ERCC6L: variants seen among roughly 807,000 people sequenced by gnomAD.
ERCC6L encodes DNA excision repair protein ERCC-6-like.
A neutral mutation model predicts 20.1 loss-of-function variants in ERCC6L; 7 were observed. The observed-to-expected ratio is 0.35, with a 90% CI of 0.20 to 0.65. The LOEUF is 0.65. ERCC6L is among the 30% of genes least tolerant of loss of function. The probability of loss-of-function intolerance (pLI) is 0.69; values close to 1 mark genes in which losing one functional copy is unlikely to be tolerated. For missense variants in ERCC6L, 592 were observed against 892.4 expected (o/e 0.66, Z 4.29); for synonymous variants, 278 against 331.3 (o/e 0.84, Z 1.75).
chrX:72,207,049 A>G lies in ERCC6L; in HGVS notation c.1718T>C (p.Ile573Thr). 1 of 1,211,574 alleles carries G rather than the reference A, an allele frequency of 8.3e-7. No individual in the cohort carries two copies. The highest frequency in any genetic ancestry group is 1.7e-5 in the African/African-American group (1 of 57,701). The change falls in exon 2 of 2, where the codon ATT becomes ACT. Residue 573 changes from isoleucine to threonine, a missense_variant. This residue lies in a region of ERCC6L where 196 missense variants were observed against 440.1 expected (regional missense o/e 0.45). Coordinates refer to ENST00000334463, the MANE Select transcript of ERCC6L (RefSeq NM_017669.4). ...AACCACAACATTCTCTTTTTGTCCA[A>G]TTCGGTAAACTCTATCCACAGCTTG... ...DAQAVDRVYR[I>T]GQKENVVVYR...
chrX:72,234,336 A>G (rs775005575), intron 1 of ERCC6L, among the ~76,000 whole-genome samples: 2 of 111,890 alleles, frequency 1.8e-5, no homozygotes, highest in South Asian at 7.4e-4. Flanking sequence ...GTCAAGTACT[A>G]CTGGTCGAGG....
chrX:72,214,898 A>C (rs1374214070), intron 1 of ERCC6L, among the ~76,000 whole-genome samples: 1 of 109,648 alleles, frequency 9.1e-6, no homozygotes, highest in Non-Finnish European at 1.9e-5. Flanking sequence ...GAGGCAGGAA[A>C]ATCGCTTGAA....
intron 1 of ERCC6L, among the ~76,000 whole-genome samples, chrX:72,211,059 C>T (rs149091418): frequency 0.011 from 1,181 of 111,743 alleles, 12 homozygotes; most frequent in African/African-American, 0.037. Context: ...ATGCTTTTTA[C>T]AATGCAGTTT....
chrX:72,207,880 C>T lies in ERCC6L; in HGVS notation c.887G>A (p.Arg296Lys). 2 of 1,210,298 alleles carry T rather than the reference C, an allele frequency of 1.7e-6. No homozygotes were observed. The highest frequency in any genetic ancestry group is 2.2e-6 in the Non-Finnish European group (2 of 894,886). ...FKMEYENPIT[R>K]AREKDATPGE... ...TGGGGTAGCATCCTTCTCTCTTGCTCTAGTAATAGGATTTTCATACTCCAT... is the reference window on the plus strand; with the variant it reads ...TGGGGTAGCATCCTTCTCTCTTGCTTTAGTAATAGGATTTTCATACTCCAT... The change falls in exon 2 of 2, where the codon AGA becomes AAA. Residue 296 changes from arginine (R) to lysine (K), a missense_variant. Around this residue, in one of 3 missense-constraint regions of ERCC6L, gnomAD observed 196 missense variants for 440.1 expected, o/e 0.45. Transcript: ENST00000334463.
At chrX:72,209,340 TATTCCAG>T (rs1271425040) in intron 1 of ERCC6L, among the ~76,000 whole-genome samples, 1 of 112,059 alleles carries the variant, frequency 8.9e-6, no homozygotes, top group Non-Finnish European at 1.9e-5. Context: ...TCTAGACCCA[TATTCCAG>T]CTGCCTTCTG....
chrX:72,212,735 G>A (rs2042862882), intron 1 of ERCC6L, among the ~76,000 whole-genome samples: 1 of 112,052 alleles, frequency 8.9e-6, no homozygotes, highest in African/African-American at 3.2e-5. Context: ...GAGCCCAGGA[G>A]TTTGAGACTA....
chrX:72,223,118 C>T (rs2042934163), intron 1 of ERCC6L, among the ~76,000 whole-genome samples: 1 of 100,078 alleles, frequency 1.0e-5, no homozygotes, highest in Non-Finnish European at 2.0e-5. Flanking sequence ...AGGCGGATCA[C>T]GAGGTCAAGA....
intron 1 of ERCC6L, 31 bp from the exon 2 acceptor site, chrX:72,208,729 G>A: frequency 9.1e-7 from 1 of 1,097,047 alleles, no homozygotes; most frequent in Non-Finnish European, 1.2e-6. Context: ...AGAGGAGAAA[G>A]GAAACATTGA....
In ERCC6L at chrX:72,206,484, A is replaced by T; in HGVS notation, c.2283T>A (p.His761Gln). 1 of 1,211,351 alleles carries T rather than the reference A, an allele frequency of 8.3e-7. No homozygotes were observed. Among genetic ancestry groups the T allele is most frequent in the Middle Eastern group, 2.3e-4 (1 of 4,350 alleles). The change falls in exon 2 of 2, where the codon CAT becomes CAA. Residue 761 changes from histidine to glutamine, a missense_variant. Coordinates refer to ENST00000334463, the MANE Select transcript of ERCC6L (RefSeq NM_017669.4). Reference sequence around the variant, plus strand: ...AACTGATATCTTCTTCCTGAGTATGATGAGTACTTAGAAGAGGTGAAGGCT... The same window carrying T: ...AACTGATATCTTCTTCCTGAGTATGTTGAGTACTTAGAAGAGGTGAAGGCT... ...QPQPSPLLST[H>Q]HTQEEDISSK...
Position 72,208,236 on chromosome X carries a change from A to G in ERCC6L, c.531T>C (p.His177=), listed in dbSNP as rs765699023. 3.3e-6 allele frequency: 4 copies of G among 1,211,908 alleles called. No homozygotes were observed. The highest frequency in any genetic ancestry group is 1.1e-6 in the Non-Finnish European group (1 of 895,535). ...WTPGMRVKTF[H]GPSKDERTRN... is the part of the protein sequence containing the mutation. ...TGGTCCGTTCATCCTTGCTAGGACC[A>G]TGAAAGGTTTTGACTCTCATTCCTG... is the stretch of plus-strand genomic sequence containing the variant. Residue 177 remains histidine (H), a synonymous_variant, in exon 2 of 2, where the codon CAT becomes CAC. Coordinates refer to ENST00000334463, the MANE Select transcript of ERCC6L (RefSeq NM_017669.4).
chrX:72,204,995 CAATA>C lies in ERCC6L; in HGVS notation c.*15_*18del, dbSNP rs2042807505. 8.8e-7 allele frequency: 1 copy of C among 1,140,826 alleles called. No homozygotes were observed. 94.0% of individuals were successfully genotyped at this position (1,140,826 alleles called of 1,213,427 possible). ...TCATATTCAGTTTCACTTTAAAATA[CAATA>C]AACAGGTTACATTCTCAATTGTTAT... On this transcript the variant is annotated 3_prime_UTR_variant, in exon 2 of 2. Transcript: ENST00000334463.
intron 1 of ERCC6L, among the ~76,000 whole-genome samples, chrX:72,210,181 CAT>C (rs1359020234): frequency 2.6e-5 from 2 of 76,309 alleles, no homozygotes; most frequent in South Asian, 1.0e-3. Context: ...GCCTGAATAA[CAT>C]AGCGAGACTG....
In ERCC6L at chrX:72,207,713, C is replaced by T; in HGVS notation, c.1054G>A (p.Val352Ile). The change falls in exon 2 of 2, where the codon GTT becomes ATT. Residue 352 changes from valine (V) to isoleucine (I), a missense_variant. Transcript: ENST00000334463. ...EARLNEKNPD[V>I]DAICEMPSLS... is the part of the protein sequence containing the mutation. Reference sequence around the variant, plus strand: ...GAAGGCATTTCACAAATGGCATCAACATCTGGATTCTTTTCATTAAGTCTG... The same window carrying T: ...GAAGGCATTTCACAAATGGCATCAATATCTGGATTCTTTTCATTAAGTCTG... 8.3e-7 allele frequency: 1 copy of T among 1,211,569 alleles called. No individual in the cohort carries two copies. Among genetic ancestry groups the T allele is most frequent in the Non-Finnish European group, 1.1e-6 (1 of 895,483 alleles).
rs200073614 is a variant in ERCC6L at position 72,207,740 on chromosome X, C to G, written c.1027G>C (p.Ala343Pro). ...TCTGGATTCTTTTCATTAAGTCTGG[C>G]CTCTGGGTTGCTTGACTTTTTCTTC... ...VQKKKSSNPE[A>P]RLNEKNPDVD... is the part of the protein sequence containing the mutation. Residue 343 changes from alanine (A) to proline (P), a missense_variant, in exon 2 of 2, where the codon GCC becomes CCC. This residue lies in a region of ERCC6L where 196 missense variants were observed against 440.1 expected (regional missense o/e 0.45). Transcript: ENST00000334463. 109 of 1,209,659 alleles carry G rather than the reference C, an allele frequency of 9.0e-5. No homozygotes were observed. The highest frequency in any genetic ancestry group is 6.9e-4 in the Middle Eastern group (3 of 4,376).
At chrX:72,210,835 G>A (rs775329862) in intron 1 of ERCC6L, among the ~76,000 whole-genome samples, 66 of 111,711 alleles carry the variant, frequency 5.9e-4, no homozygotes, top group Non-Finnish European at 1.2e-3. Flanking sequence ...GGGTTAAACC[G>A]CTGCTGTGAG....
intron 1 of ERCC6L, among the ~76,000 whole-genome samples, chrX:72,212,214 T>G (rs1311781237): frequency 9.1e-6 from 1 of 110,274 alleles, no homozygotes; most frequent in Non-Finnish European, 1.9e-5. Flanking sequence ...GGGGTTGCAG[T>G]GAGCCAAGAT....
chrX:72,221,412 C>T (rs1420926661), intron 1 of ERCC6L, among the ~76,000 whole-genome samples: 2 of 111,321 alleles, frequency 1.8e-5, no homozygotes, highest in African/African-American at 6.5e-5. Flanking sequence ...TCAGCTTGAC[C>T]ATCCTCTTTA....
chrX:72,218,538 G>A, intron 1 of ERCC6L, among the ~76,000 whole-genome samples: 1 of 104,918 alleles, frequency 9.5e-6, no homozygotes, highest in East Asian at 3.0e-4. Flanking sequence ...CTGTCACCCA[G>A]GCTGGAGTGC....
At position 72,206,192 on chromosome X, in the gene ERCC6L, C is replaced by T; in HGVS notation, c.2575G>A (p.Glu859Lys). ...QEGPKQEALQ[E>K]DPLESFNYVL... ...TAATTAAAACTTTCCAGAGGATCCTCTTGCAGTGCCTCTTGCTTAGGCCCC... is the reference window on the plus strand; with the variant it reads ...TAATTAAAACTTTCCAGAGGATCCTTTTGCAGTGCCTCTTGCTTAGGCCCC... The change falls in exon 2 of 2, where the codon GAG becomes AAG. Residue 859 changes from glutamate to lysine, a missense_variant. Glu to Lys is a moderately conservative substitution (Grantham distance 56, BLOSUM62 1). Transcript: ENST00000334463. 8.3e-7 allele frequency: 1 copy of T among 1,211,694 alleles called. No individual in the cohort carries two copies. Among genetic ancestry groups the T allele is most frequent in the Non-Finnish European group, 1.1e-6 (1 of 895,354 alleles).
Sources: gnomAD v4.1 joint callset for allele counts (sites outside exome capture counted in the v4.1 genomes callset) on GRCh38, gnomAD v4.1.1 for gene constraint, gnomAD v4.1.1 regional missense constraint, MANE v1.5 for transcripts, NCBI Gene and HGNC (gene_info 2026-07-23, HGNC 2026-07-21) for gene names.